Variants in SLC24A2 observed in about 807,000 individuals in gnomAD.
The protein encoded by SLC24A2 is solute carrier family 24 member 2.
Under a neutral mutation model 62.0 loss-of-function variants are expected in SLC24A2, and 36 were observed. The ratio of observed to expected loss-of-function variants is 0.58; its 90% CI spans 0.44 to 0.77. The LOEUF is 0.77. Ranked by LOEUF, SLC24A2 falls within the 30% of genes least tolerant of loss-of-function variation. The pLI, the probability that SLC24A2 is intolerant of heterozygous loss-of-function variation, is 0.00. For synonymous variants in SLC24A2, 358 were observed against 294.0 expected, an observed-to-expected ratio of 1.22 and a Z score of -2.23; for missense variants, 846 against 817.9, an observed-to-expected ratio of 1.03 and a Z score of -0.42.
chr9:20,002,790 G>T, the SLC24A2 span, among the ~76,000 whole-genome samples: 1 of 152,172 alleles, frequency 6.6e-6, no homozygotes. Context: ...CTTGCCCACT[G>T]CCCATGTCTG....
the SLC24A2 span, among the ~76,000 whole-genome samples, chr9:19,971,032 G>A: frequency 6.6e-6 from 1 of 152,154 alleles, no homozygotes; most frequent in Non-Finnish European, 1.5e-5. Flanking sequence ...TGGTCAATGG[G>A]ATACTAACAA....
At chr9:20,065,258 G>C in the SLC24A2 span, among the ~76,000 whole-genome samples, 8 of 152,194 alleles carry the variant, frequency 5.3e-5, no homozygotes, top group Non-Finnish European at 8.8e-5. Flanking sequence ...GTCTGAGATA[G>C]ACCCTGCTTC....
chr9:19,771,015 C>T (rs539605629), intron 2 of SLC24A2, among the ~76,000 whole-genome samples: 9 of 152,030 alleles, frequency 5.9e-5, no homozygotes, highest in Non-Finnish European at 1.3e-4. Context: ...GATGGTGGTA[C>T]GGTATTCTAA....
At chr9:19,806,966 G>C in the SLC24A2 span, among the ~76,000 whole-genome samples, 1 of 152,126 alleles carries the variant, frequency 6.6e-6, no homozygotes, top group Non-Finnish European at 1.5e-5. Context: ...TTTGATGCCT[G>C]TTTCTAAATA....
At chr9:19,666,715 C>T (rs1819265076) in intron 2 of SLC24A2, among the ~76,000 whole-genome samples, 1 of 151,872 alleles carries the variant, frequency 6.6e-6, no homozygotes, top group Non-Finnish European at 1.5e-5. Flanking sequence ...GCTTTTTTTT[C>T]CCCTGTCTAA....
At chr9:20,036,885 T>C in the SLC24A2 span, among the ~76,000 whole-genome samples, 1 of 147,698 alleles carries the variant, frequency 6.8e-6, no homozygotes, top group Non-Finnish European at 1.5e-5. Context: ...TGTGTGTGTG[T>C]GTGTGCGTAT....
chr9:19,888,102 C>T, the SLC24A2 span, among the ~76,000 whole-genome samples: 577 of 152,312 alleles, frequency 3.8e-3, no homozygotes, highest in Middle Eastern at 0.02. Context: ...CCAAATAGCA[C>T]CTGTTCCCCC....
At chr9:20,074,637 C>G in the SLC24A2 span, among the ~76,000 whole-genome samples, 43 of 15,824 alleles carry the variant, frequency 2.7e-3, no homozygotes, top group South Asian at 6.7e-3. Flanking sequence ...GAGGGAGGGA[C>G]GGGAAGGGGG....
the SLC24A2 span, among the ~76,000 whole-genome samples, chr9:20,062,824 G>A: frequency 3.4e-5 from 4 of 117,848 alleles, no homozygotes; most frequent in Admixed American, 4.0e-4. Flanking sequence ...ATCAAAAAGT[G>A]GGTGAAGGAC....
In SLC24A2 at chr9:19,789,027, G is replaced by T; in HGVS notation, c.-296C>A. The T allele has an allele frequency of 1.2e-6, 1 of 862,774 alleles. No individual in the cohort carries two copies. The highest frequency in any genetic ancestry group is 1.4e-6 in the Non-Finnish European group (1 of 718,136). The allele number at this position is 862,774 out of a possible 1,614,324, so 53.4% of individuals were successfully genotyped here. A position where few individuals can be genotyped will look rare whatever the true frequency, so the allele number is the denominator to read the frequency against. On this transcript the variant is annotated 5_prime_UTR_variant, in exon 1 of 11. Transcript: ENST00000341998. The stretch of plus-strand genomic sequence containing the variant: ...CGCTCTCGCCAGCCGGGCTGGGTTC[G>T]GGAGGAGACTGAGCCGCTGTGAGCC...
chr9:19,764,158 C>A lies in SLC24A2; in HGVS notation c.930+21779G>T, dbSNP rs189565578. 5.5e-3 allele frequency among the ~76,000 whole-genome samples: 841 copies of A among 152,144 alleles called. 9 individuals are homozygous for A. The highest frequency in any genetic ancestry group is 0.022 in the Admixed American group (337 of 15,264). On this transcript the variant is annotated intron_variant, in intron 2 of 10. Coordinates refer to ENST00000341998, the MANE Select transcript of SLC24A2 (RefSeq NM_020344.4). ...GTATTTCTGTGGCATCAGTGGTGAT[C>A]TCTCCTTTATCATTTTTTATTGCGT...
the SLC24A2 span, among the ~76,000 whole-genome samples, chr9:20,016,036 T>C: frequency 1.3e-5 from 2 of 152,242 alleles, no homozygotes; most frequent in East Asian, 3.8e-4. Context: ...TTTTAAAGTG[T>C]ACATCACAAT....
the SLC24A2 span, among the ~76,000 whole-genome samples, chr9:20,104,350 G>A: frequency 7.9e-5 from 12 of 152,148 alleles, no homozygotes; most frequent in East Asian, 1.9e-4. Context: ...TACAGAGAAC[G>A]CCACAAAGAT....
chr9:20,019,875 GAAA>G, the SLC24A2 span, among the ~76,000 whole-genome samples: 35 of 121,562 alleles, frequency 2.9e-4, no homozygotes, highest in African/African-American at 5.0e-4. Flanking sequence ...AAATTTACCA[GAAA>G]AAAAAAAAAA....
At chr9:20,045,558 A>T in the SLC24A2 span, among the ~76,000 whole-genome samples, 1 of 151,954 alleles carries the variant, frequency 6.6e-6, no homozygotes, top group African/African-American at 2.4e-5. Context: ...CAGCCTCCTG[A>T]GTAGCTAGGA....
rs1264304164 is a variant in SLC24A2, at chr9:19,632,623, A to C, written c.931-10324T>G. ...CTTAGGTGGCAGGTATTATTAGGAAACATTTTTAATAACTTCTTATTTGGA... is the reference window on the plus strand; with the variant it reads ...CTTAGGTGGCAGGTATTATTAGGAACCATTTTTAATAACTTCTTATTTGGA... On this transcript the variant is annotated intron_variant, in intron 2 of 10. Transcript: ENST00000341998. The surrounding 1 kb of genome is among the most constrained non-coding windows in gnomAD (Gnocchi z 4.5). 6.6e-6 allele frequency among the ~76,000 whole-genome samples: 1 copy of C among 152,230 alleles called. No homozygotes were observed. Among genetic ancestry groups the C allele is most frequent in the Non-Finnish European group, 1.5e-5 (1 of 68,040 alleles).
In SLC24A2 at chr9:19,548,195, C is replaced by G. The variant is rs569906335; in HGVS notation, c.1479+1942G>C. ...TCTGTCTTTTTCAAATGAAGGAGCT[C>G]TTGAAGACTTATGATAAATTATGCT... On this transcript the variant is annotated intron_variant, in intron 8 of 10. Transcript: ENST00000341998. 1.2e-3 allele frequency among the ~76,000 whole-genome samples: 185 copies of G among 148,330 alleles called. 4 individuals are homozygous for G. Among genetic ancestry groups the G allele is most frequent in the African/African-American group, 4.6e-3 (174 of 37,792 alleles).
the SLC24A2 span, among the ~76,000 whole-genome samples, chr9:20,174,755 G>A: frequency 1.3e-5 from 2 of 151,928 alleles, no homozygotes; most frequent in African/African-American, 4.8e-5. Flanking sequence ...GCTTGTGGGA[G>A]TGTAAACTAG....
At chr9:19,766,338 T>G (rs969715007) in intron 2 of SLC24A2, among the ~76,000 whole-genome samples, 29 of 152,218 alleles carry the variant, frequency 1.9e-4, no homozygotes, top group Middle Eastern at 3.2e-3. Flanking sequence ...TTTGTTCCCT[T>G]GCTGGTGAGG....
Sources: gnomAD v4.1 joint callset for allele counts (sites outside exome capture counted in the v4.1 genomes callset) on GRCh38, gnomAD v4.1.1 for gene constraint, Gnocchi (gnomAD v3.1) non-coding constraint, MANE v1.5 for transcripts, NCBI Gene and HGNC (gene_info 2026-07-23, HGNC 2026-07-21) for gene names.